The following EIF4G3 variants were observed in gnomAD, a reference collection of about 807,000 sequenced individuals.
The protein encoded by EIF4G3 is eukaryotic translation initiation factor 4 gamma 3.
A neutral mutation model predicts 186.4 loss-of-function variants in EIF4G3; 34 were observed. That is an observed-to-expected ratio of 0.18 (90% CI 0.14 to 0.24). The LOEUF is 0.24. Among genes scored for constraint, EIF4G3 ranks in the 10% least tolerant of loss-of-function variants. EIF4G3 has a pLI of 1.00. For missense variants in EIF4G3, 1,536 were observed against 1,948.5 expected, an observed-to-expected ratio of 0.79 and a Z score of 3.99; for synonymous variants, 673 against 679.5, an observed-to-expected ratio of 0.99 and a Z score of 0.15.
intron 2 of EIF4G3, among the ~76,000 whole-genome samples, chr1:21,137,353 T>C (rs1229334646): frequency 2.6e-5 from 4 of 152,076 alleles, no homozygotes; most frequent in Non-Finnish European, 5.9e-5. Flanking sequence ...ACTACACTGC[T>C]CAGGCTGGTC....
chr1:21,021,696 C>T (rs1351276975), intron 4 of EIF4G3, among the ~76,000 whole-genome samples: 4 of 152,120 alleles, frequency 2.6e-5, no homozygotes, highest in African/African-American at 4.8e-5. Flanking sequence ...GCTGGGACTA[C>T]AGGCGCGCAG....
chr1:20,919,002 A>C (rs1391424262), intron 14 of EIF4G3, among the ~76,000 whole-genome samples: 2 of 151,346 alleles, frequency 1.3e-5, no homozygotes, highest in East Asian at 3.9e-4. Context: ...CTATTTCTAC[A>C]CTCACTAATG....
Position 21,131,010 on chromosome 1 carries a change from T to C in EIF4G3, c.-271-41797A>G, listed in dbSNP as rs1014167769. Among the ~76,000 whole-genome samples, 6 of 151,630 alleles carry C rather than the reference T, an allele frequency of 4.0e-5. No homozygotes were observed. In the South Asian group the frequency reaches 1.3e-3, roughly 32 times the overall value. ...CACTTTGGGATTTGGGAGGTCAAGG[T>C]GGGTGGATCACCTGAGATCAGGAGT... On this transcript the variant is annotated intron_variant, in intron 2 of 36. Coordinates refer to ENST00000602326, the MANE Select transcript of EIF4G3 (RefSeq NM_001391906.1).
intron 4 of EIF4G3, among the ~76,000 whole-genome samples, chr1:21,020,165 G>A (rs751129180): frequency 2.6e-5 from 4 of 152,022 alleles, no homozygotes; most frequent in Middle Eastern, 3.2e-3. Context: ...CTGAACTCAG[G>A]CTTTGAGGCC....
chr1:20,836,766 T>C (rs2066874772), intron 30 of EIF4G3, among the ~76,000 whole-genome samples: 1 of 152,240 alleles, frequency 6.6e-6, no homozygotes, highest in Non-Finnish European at 1.5e-5. Flanking sequence ...TCAAAGTCAT[T>C]CCAGTTCTGT....
intron 3 of EIF4G3, among the ~76,000 whole-genome samples, chr1:21,052,853 G>A (rs370681504): frequency 0.026 from 3,984 of 152,258 alleles, 65 homozygotes; most frequent in East Asian, 0.13. Flanking sequence ...GAGGTGCCGG[G>A]ATGGCAGACG....
chr1:20,942,421 T>C, intron 13 of EIF4G3, 91 bp from the exon 14 acceptor site: 1 of 1,304,942 alleles, frequency 7.7e-7, no homozygotes, highest in Non-Finnish European at 1.0e-6. Context: ...TTACCCTAAA[T>C]TACAGGTAAC....
At chr1:21,123,918 A>T (rs2096974171) in intron 2 of EIF4G3, among the ~76,000 whole-genome samples, 1 of 152,190 alleles carries the variant, frequency 6.6e-6, no homozygotes, top group Admixed American at 6.5e-5. Context: ...TCTAGGGATC[A>T]ATTTAGGAGT....
chr1:21,092,841 A>C (rs1333611613), intron 2 of EIF4G3, among the ~76,000 whole-genome samples: 1 of 152,180 alleles, frequency 6.6e-6, no homozygotes, highest in East Asian at 1.9e-4. Context: ...CAAAAACAAG[A>C]AATGGGGAAA....
intron 4 of EIF4G3, among the ~76,000 whole-genome samples, chr1:21,028,058 T>G (rs2092354454): frequency 6.6e-6 from 1 of 152,096 alleles, no homozygotes; most frequent in South Asian, 2.1e-4. Flanking sequence ...ATGATAACAG[T>G]TATATGATGT....
At chr1:20,841,620 A>C (rs1198386991) in intron 29 of EIF4G3, among the ~76,000 whole-genome samples, 1 of 152,214 alleles carries the variant, frequency 6.6e-6, no homozygotes. Flanking sequence ...GTTAAGCATT[A>C]AAATTCTTTT....
At chr1:21,098,870 C>G (rs748869177) in intron 2 of EIF4G3, among the ~76,000 whole-genome samples, 1 of 152,088 alleles carries the variant, frequency 6.6e-6, no homozygotes, top group Admixed American at 6.6e-5. Context: ...CTCCTGAGTT[C>G]AAGCAATGCT....
chr1:20,892,300 G>A (rs980181171), intron 18 of EIF4G3, among the ~76,000 whole-genome samples: 4 of 152,144 alleles, frequency 2.6e-5, no homozygotes, highest in Non-Finnish European at 4.4e-5. Flanking sequence ...TTCTAACTTG[G>A]GGAAAAGAGA....
At chr1:20,828,071 T>C (rs1557812541) in intron 31 of EIF4G3, among the ~76,000 whole-genome samples, 1 of 148,228 alleles carries the variant, frequency 6.7e-6, no homozygotes, top group African/African-American at 2.5e-5. Context: ...TCTCACTCTG[T>C]CGCCAGGCTG....
intron 2 of EIF4G3, among the ~76,000 whole-genome samples, chr1:21,113,214 A>C (rs1176197516): frequency 6.7e-6 from 1 of 149,330 alleles, no homozygotes; most frequent in East Asian, 2.0e-4. Flanking sequence ...GAAGAGTAGC[A>C]CTGTACATTT....
At chr1:20,932,934 A>T (rs1246534255) in intron 14 of EIF4G3, among the ~76,000 whole-genome samples, 1 of 152,210 alleles carries the variant, frequency 6.6e-6, no homozygotes, top group African/African-American at 2.4e-5. Flanking sequence ...AAAGCACAAT[A>T]AAGAGAAGTG....
intron 3 of EIF4G3, among the ~76,000 whole-genome samples, chr1:21,079,436 A>G (rs2095691111): frequency 6.6e-6 from 1 of 151,212 alleles, no homozygotes; most frequent in African/African-American, 2.4e-5. Context: ...AGGAGGCTCA[A>G]GCAGGAAAAT....
At chr1:21,146,369 T>G (rs2097441789) in intron 2 of EIF4G3, among the ~76,000 whole-genome samples, 1 of 152,170 alleles carries the variant, frequency 6.6e-6, no homozygotes, top group Non-Finnish European at 1.5e-5. Flanking sequence ...TCTCAAAAAC[T>G]TTAAAGTACA....
At chr1:21,071,887 A>G (rs1033431863) in intron 3 of EIF4G3, among the ~76,000 whole-genome samples, 1 of 152,198 alleles carries the variant, frequency 6.6e-6, no homozygotes, top group African/African-American at 2.4e-5. Context: ...ATTTTCCCAA[A>G]TAAGTTAAAG....
Sources: allele counts gnomAD v4.1 joint callset (sites outside exome capture counted in the v4.1 genomes callset), GRCh38; gene constraint gnomAD v4.1.1; transcripts MANE v1.5; gene names NCBI Gene and HGNC (gene_info 2026-07-23, HGNC 2026-07-21).